The following ME3 variants were observed in gnomAD, a reference collection of about 807,000 sequenced individuals.
ME3 encodes the protein NADP-dependent malic enzyme, mitochondrial.
In ME3, 48 loss-of-function variants were observed where a neutral mutation model predicts 68.9. The ratio of observed to expected loss-of-function variants is 0.70; its 90% CI spans 0.55 to 0.89. ME3 has a LOEUF of 0.89. ME3 is among the 40% of genes least tolerant of loss of function. The probability of loss-of-function intolerance (pLI) is 0.00; values close to 1 mark genes in which losing one functional copy is unlikely to be tolerated. For missense variants in ME3, 675 were observed against 797.4 expected (o/e 0.85, Z 1.85); for synonymous variants, 320 against 318.8 (o/e 1.00, Z -0.04).
chr11:86,659,364 G>A (rs1054099516), intron 2 of ME3, among the ~76,000 whole-genome samples: 14 of 152,168 alleles, frequency 9.2e-5, no homozygotes, highest in African/African-American at 3.4e-4. Flanking sequence ...TTTCAAAGAT[G>A]GTAGGTAGAA....
At chr11:86,507,013 C>G (rs1161381985) in intron 5 of ME3, among the ~76,000 whole-genome samples, 1 of 152,196 alleles carries the variant, frequency 6.6e-6, no homozygotes, top group Non-Finnish European at 1.5e-5. Flanking sequence ...GATACCCAGA[C>G]ACAGATGTAA....
At chr11:86,487,486 T>G (rs201926636) in intron 6 of ME3, 46 bp from the exon 7 acceptor site, 42 of 1,479,080 alleles carry the variant, frequency 2.8e-5, no homozygotes, top group African/African-American at 1.4e-5. Flanking sequence ...CCGGTGTTCC[T>G]GTTTTTTTTT....
intron 2 of ME3, among the ~76,000 whole-genome samples, chr11:86,650,657 C>T (rs138309526): frequency 0.011 from 1,645 of 152,302 alleles, 12 homozygotes; most frequent in Middle Eastern, 0.02. Context: ...GTCTACAGCT[C>T]CCAGTGTGAG....
intron 2 of ME3, among the ~76,000 whole-genome samples, chr11:86,610,508 G>A (rs531415649): frequency 2.0e-4 from 30 of 152,132 alleles, no homozygotes; most frequent in African/African-American, 2.7e-4. Flanking sequence ...GAGTGATGCC[G>A]TGCACAAAGG....
chr11:86,548,452 C>T (rs1175746618), intron 4 of ME3, among the ~76,000 whole-genome samples: 2 of 152,176 alleles, frequency 1.3e-5, no homozygotes, highest in Non-Finnish European at 2.9e-5. Flanking sequence ...TCCCAAGCCA[C>T]GGCATCAAAT....
intron 4 of ME3, among the ~76,000 whole-genome samples, chr11:86,538,636 C>A (rs1288637356): frequency 6.6e-6 from 1 of 152,076 alleles, no homozygotes; most frequent in Non-Finnish European, 1.5e-5. Context: ...CTCTCATTTC[C>A]ACATCTAGGA....
At chr11:86,539,120 G>T (rs1472896426) in intron 4 of ME3, among the ~76,000 whole-genome samples, 1 of 152,126 alleles carries the variant, frequency 6.6e-6, no homozygotes, top group Non-Finnish European at 1.5e-5. Flanking sequence ...AAAAATTGGG[G>T]TTGTTAATAA....
At chr11:86,667,464 T>C (rs918573272) in intron 2 of ME3, among the ~76,000 whole-genome samples, 2 of 152,178 alleles carry the variant, frequency 1.3e-5, no homozygotes, top group Non-Finnish European at 1.5e-5. Flanking sequence ...GCAAGAGCAT[T>C]GGGCTGTGAA....
intron 7 of ME3, among the ~76,000 whole-genome samples, chr11:86,484,847 A>T (rs1951599641): frequency 6.6e-6 from 1 of 152,198 alleles, no homozygotes. Context: ...GTGTGACCTG[A>T]GATAGCTAAC....
intron 2 of ME3, among the ~76,000 whole-genome samples, chr11:86,623,967 C>A (rs532873009): frequency 6.6e-6 from 1 of 152,300 alleles, no homozygotes; most frequent in East Asian, 1.9e-4. Flanking sequence ...TGACGTACAA[C>A]GTGACCCCTT....
At chr11:86,504,407 T>TTTTTTTTTA (rs1491166256) in intron 5 of ME3, among the ~76,000 whole-genome samples, 1 of 125,524 alleles carries the variant, frequency 8.0e-6, no homozygotes, top group African/African-American at 3.2e-5. Flanking sequence ...TTTTTTTTTT[T>TTTTTTTTTA]GAGACAGAGT....
At chr11:86,536,264 C>G (rs565637425) in intron 4 of ME3, among the ~76,000 whole-genome samples, 13 of 151,468 alleles carry the variant, frequency 8.6e-5, no homozygotes, top group African/African-American at 3.2e-4. Flanking sequence ...GCAATGGCAA[C>G]AAAAGACAAA....
At chr11:86,509,398 TCACACACA>T (rs3045014) in intron 4 of ME3, among the ~76,000 whole-genome samples, 32,823 of 144,592 alleles carry the variant, frequency 0.23, 3,600 homozygotes, top group Non-Finnish European at 0.26. Context: ...TACTCCATCA[TCACACACA>T]CACACACACA....
At chr11:86,495,154 C>T (rs1434773660) in intron 6 of ME3, among the ~76,000 whole-genome samples, 1 of 152,134 alleles carries the variant, frequency 6.6e-6, no homozygotes, top group Non-Finnish European at 1.5e-5. Context: ...CTAGCCCTGC[C>T]GCTTCTAGCA....
At chr11:86,545,819 A>G (rs1374801239) in intron 4 of ME3, among the ~76,000 whole-genome samples, 1 of 152,194 alleles carries the variant, frequency 6.6e-6, no homozygotes, top group African/African-American at 2.4e-5. Flanking sequence ...ACTACTTTAA[A>G]TTTCATATGG....
At chr11:86,517,956 C>A (rs769836038) in intron 4 of ME3, among the ~76,000 whole-genome samples, 20 of 152,134 alleles carry the variant, frequency 1.3e-4, no homozygotes, top group Non-Finnish European at 2.4e-4. Flanking sequence ...CAAAGTATTT[C>A]TATGAAGATT....
At chr11:86,510,403 T>C (rs114326686) in intron 4 of ME3, among the ~76,000 whole-genome samples, 1,821 of 152,290 alleles carry the variant, frequency 0.012, 48 homozygotes, top group African/African-American at 0.042. Context: ...CAGTCTCTTA[T>C]GTTGGGTAAG....
chr11:86,475,721 G>T (rs1951020910), intron 7 of ME3, among the ~76,000 whole-genome samples: 1 of 151,908 alleles, frequency 6.6e-6, no homozygotes, highest in African/African-American at 2.4e-5. Context: ...GAGGAAATTG[G>T]ATCAAATGAG....
intron 4 of ME3, among the ~76,000 whole-genome samples, chr11:86,510,308 C>T (rs986675906): frequency 6.6e-6 from 1 of 152,188 alleles, no homozygotes; most frequent in African/African-American, 2.4e-5. Flanking sequence ...GCATCTGACA[C>T]TTTTCATCAC....
Sources: gnomAD v4.1 joint callset for allele counts (sites outside exome capture counted in the v4.1 genomes callset) on GRCh38, gnomAD v4.1.1 for gene constraint, MANE v1.5 for transcripts, NCBI Gene and HGNC (gene_info 2026-07-23, HGNC 2026-07-21) for gene names.